The following TRIM16 variants were observed in gnomAD, a reference collection of about 807,000 sequenced individuals.
The protein encoded by TRIM16 is tripartite motif-containing protein 16.
TRIM16 carries 33 observed loss-of-function variants against 50.4 expected under a neutral mutation model. That is an observed-to-expected ratio of 0.65 (90% confidence interval 0.50 to 0.88). TRIM16 has a LOEUF of 0.88. TRIM16 is among the 40% of genes least tolerant of loss of function. The probability of loss-of-function intolerance (pLI) is 0.00; values close to 1 mark genes in which losing one functional copy is unlikely to be tolerated. For synonymous variants in TRIM16, 229 were observed against 270.7 expected (o/e 0.85, Z 1.51); for missense variants, 581 against 686.8 (o/e 0.85, Z 1.72).
At chr17:15,653,398 T>C (rs1987823495) in intron 6 of TRIM16, among the ~76,000 whole-genome samples, 1 of 152,130 alleles carries the variant, frequency 6.6e-6, no homozygotes, top group Non-Finnish European at 1.5e-5. Flanking sequence ...ACGCATGGTG[T>C]GTGAGCTTGC....
chr17:15,644,649 G>A (rs540515462), intron 7 of TRIM16, among the ~76,000 whole-genome samples: 1 of 152,008 alleles, frequency 6.6e-6, no homozygotes, highest in South Asian at 2.1e-4. Flanking sequence ...TGGCTCCTTT[G>A]GCAACTAGCC....
intron 6 of TRIM16, among the ~76,000 whole-genome samples, chr17:15,665,291 T>C (rs1412508522): frequency 6.6e-6 from 1 of 152,036 alleles, no homozygotes; most frequent in East Asian, 1.9e-4. Flanking sequence ...GGCGGGCAGA[T>C]CACGAGGTCA....
intron 7 of TRIM16, among the ~76,000 whole-genome samples, chr17:15,645,745 G>A (rs946173804): frequency 6.6e-6 from 1 of 152,210 alleles, no homozygotes; most frequent in Non-Finnish European, 1.5e-5. Flanking sequence ...CAGAGGACTC[G>A]CCTCTCCAGG....
chr17:15,652,455 C>CTTTTT (rs34158100), intron 6 of TRIM16, among the ~76,000 whole-genome samples: 2 of 65,356 alleles, frequency 3.1e-5, no homozygotes, highest in Non-Finnish European at 2.7e-5. Flanking sequence ...CGGTGCCCAC[C>CTTTTT]TTTTTTTTTT....
rs545496477 is a variant in TRIM16, at chr17:15,663,211, T to TCTGGC, written c.-337-11270_-337-11266dup. Among the ~76,000 whole-genome samples, 682 of 152,294 alleles carry TCTGGC rather than the reference T, an allele frequency of 4.5e-3. 7 individuals carry two copies. The highest frequency in any genetic ancestry group is 0.016 in the African/African-American group (654 of 41,536). On this transcript the variant is annotated intron_variant, in intron 6 of 11. Coordinates refer to ENST00000649191, the MANE Select transcript of TRIM16 (RefSeq NM_001348119.1). The stretch of plus-strand genomic sequence containing the variant: ...CTCTGGATACGTCCATTTGTCCCAG[T>TCTGGC]CTGGCCTGGCCTGGCAGGTAACTTG...
In TRIM16 at chr17:15,628,837, A is replaced by G; in HGVS notation, c.1473T>C (p.Pro491=). The G allele has an allele frequency of 6.2e-7, 1 of 1,614,184 alleles. No homozygotes were observed. The highest frequency in any genetic ancestry group is 2.2e-5 in the East Asian group (1 of 44,886). Residue 491 remains proline (P), a synonymous_variant, in exon 12 of 12, where the codon CCT becomes CCC. Transcript: ENST00000649191. ...CGATATAGACCCCGAGCCTCCGGAA[A>G]GGGCCAGCTTTGAGTGGGGTCTCCA... ...SDMETPLKAG[P]FRRLGVYIDF...
At chr17:15,648,542 A>C (rs1473090923) in intron 7 of TRIM16, among the ~76,000 whole-genome samples, 1 of 152,186 alleles carries the variant, frequency 6.6e-6, no homozygotes, top group East Asian at 1.9e-4. Context: ...TGCTGTTTGC[A>C]GTTTCCTATA....
At chr17:15,655,985 G>A (rs1252527245) in intron 6 of TRIM16, among the ~76,000 whole-genome samples, 7 of 152,144 alleles carry the variant, frequency 4.6e-5, no homozygotes, top group Admixed American at 4.6e-4. Context: ...TGTTGCGGTG[G>A]GGTCTAAGTG....
At chr17:15,665,496 A>C (rs1408021872) in intron 6 of TRIM16, among the ~76,000 whole-genome samples, 1 of 152,238 alleles carries the variant, frequency 6.6e-6, no homozygotes, top group Non-Finnish European at 1.5e-5. Flanking sequence ...GCGAGAGTGC[A>C]AGACTCTATC....
intron 7 of TRIM16, among the ~76,000 whole-genome samples, chr17:15,648,220 C>T (rs1227873036): frequency 1.0e-4 from 14 of 140,646 alleles, no homozygotes; most frequent in African/African-American, 3.7e-4. Flanking sequence ...AGCGAGACTC[C>T]GTCTCAAAAA....
chr17:15,628,377 C>A lies in TRIM16; in HGVS notation c.*238G>T. The A allele has an allele frequency of 2.3e-6, 1 of 441,020 alleles. No individual in the cohort carries two copies. The highest frequency in any genetic ancestry group is 3.9e-6 in the Non-Finnish European group (1 of 259,356). 27.3% of individuals were successfully genotyped at this position (441,020 alleles called of 1,614,324 possible). On this transcript the variant is annotated 3_prime_UTR_variant, in exon 12 of 12. Transcript: ENST00000649191. ...TGAGCCAAGATCGCGCCACTGCTCT[C>A]CAGCCTGGGCAACAGTGCGAGACTC...
intron 9 of TRIM16, among the ~76,000 whole-genome samples, chr17:15,634,909 A>G (rs1168185689): frequency 6.7e-6 from 1 of 148,996 alleles, no homozygotes; most frequent in African/African-American, 2.5e-5. Context: ...GAAACTTGTG[A>G]GGCGGGAAGC....
At chr17:15,668,205 T>C (rs1567687612) in intron 6 of TRIM16, among the ~76,000 whole-genome samples, 1 of 152,224 alleles carries the variant, frequency 6.6e-6, no homozygotes, top group Non-Finnish European at 1.5e-5. Context: ...TGGTTGGAAG[T>C]AGTTCTAAGA....
At chr17:15,679,441 C>T (rs1989086185) in intron 4 of TRIM16, among the ~76,000 whole-genome samples, 1 of 152,136 alleles carries the variant, frequency 6.6e-6, no homozygotes, top group Non-Finnish European at 1.5e-5. Context: ...GTTTCTAGAT[C>T]TCATACAGTG....
chr17:15,658,047 G>A (rs1988055915), intron 6 of TRIM16, among the ~76,000 whole-genome samples: 2 of 152,188 alleles, frequency 1.3e-5, no homozygotes, highest in Non-Finnish European at 2.9e-5. Flanking sequence ...CCAGAATTGA[G>A]GGAGGAATCC....
At chr17:15,659,318 G>T (rs1189855554) in intron 6 of TRIM16, among the ~76,000 whole-genome samples, 2 of 152,132 alleles carry the variant, frequency 1.3e-5, no homozygotes, top group Non-Finnish European at 2.9e-5. Flanking sequence ...GTGTGGCTGT[G>T]GTGCACGGGC....
intron 6 of TRIM16, among the ~76,000 whole-genome samples, chr17:15,661,343 G>A (rs1200138383): frequency 1.3e-5 from 2 of 152,168 alleles, no homozygotes; most frequent in Non-Finnish European, 2.9e-5. Flanking sequence ...TCCTTCCAGC[G>A]AGTTCTCTTA....
At chr17:15,678,019 C>G (rs554214075) in intron 4 of TRIM16, among the ~76,000 whole-genome samples, 15 of 152,178 alleles carry the variant, frequency 9.9e-5, no homozygotes, top group African/African-American at 2.2e-4. Context: ...AGATCGAGAC[C>G]ATCCTGGCTA....
chr17:15,656,096 C>T (rs1987968388), intron 6 of TRIM16, among the ~76,000 whole-genome samples: 1 of 152,062 alleles, frequency 6.6e-6, no homozygotes, highest in African/African-American at 2.4e-5. Context: ...TCATCTTCAG[C>T]CCTCTGGGAC....
Sources: allele counts gnomAD v4.1 joint callset (sites outside exome capture counted in the v4.1 genomes callset), GRCh38; gene constraint gnomAD v4.1.1; transcripts MANE v1.5; gene names NCBI Gene and HGNC (gene_info 2026-07-23, HGNC 2026-07-21).